Variants in SMAP1 observed in about 807,000 individuals in gnomAD.
SMAP1 encodes the protein small ArfGAP 1.
In SMAP1, 24 loss-of-function variants were observed where a neutral mutation model predicts 58.5. The observed-to-expected ratio is 0.41, with a 90% CI of 0.30 to 0.58. SMAP1 has a LOEUF of 0.58. SMAP1 is among the 20% of genes least tolerant of loss of function. The pLI is 0.29. For synonymous variants in SMAP1, 216 were observed against 196.6 expected, an observed-to-expected ratio of 1.10 and a Z score of -0.82; for missense variants, 563 against 566.3, an observed-to-expected ratio of 0.99 and a Z score of 0.06.
rs1301172795 is a variant in SMAP1, at chr6:70,667,937, GCGGCGCCAGGTGCGTTCACTCTGCC to G, written c.-82_-58del. On this transcript the variant is annotated 5_prime_UTR_variant, in exon 1 of 11. Coordinates refer to ENST00000370455, the MANE Select transcript of SMAP1 (RefSeq NM_001044305.3). ...TGGGCTGAGTCCGCCCGCGGTCCCGGCGGCGCCAGGTGCGTTCACTCTGCCCGGCTCCAGCCAGCGTCCGCCGCCG... is the reference window on the plus strand; with the variant it reads ...TGGGCTGAGTCCGCCCGCGGTCCCGGCGGCTCCAGCCAGCGTCCGCCGCCG... 8.4e-7 allele frequency: 1 copy of G among 1,184,198 alleles called. No individual in the cohort carries two copies. Among genetic ancestry groups the G allele is most frequent in the Admixed American group, 2.6e-5 (1 of 38,274 alleles). The allele number at this position is 1,184,198 out of a possible 1,614,324, so 73.4% of individuals were successfully genotyped here.
rs1246372564 is a variant in SMAP1 at position 70,668,230 on chromosome 6, G to A, written c.118+89G>A. 5 of 1,227,792 alleles carry A rather than the reference G, an allele frequency of 4.1e-6. No individual in the cohort carries two copies. The African/African-American group carries it at 6.3e-5, about 16-fold the overall frequency. The allele number at this position is 1,227,792 out of a possible 1,614,324, so 76.1% of individuals were successfully genotyped here. The stretch of plus-strand genomic sequence containing the variant: ...TGCGGCGCTCGGGGCCCGAGCGGAC[G>A]CCTCGGCTTCGCTGGCCGGCTCCTG... On this transcript the variant is annotated intron_variant, in intron 1 of 10. Transcript: ENST00000370455.
intron 1 of SMAP1, among the ~76,000 whole-genome samples, chr6:70,691,394 C>T (rs1023403954): frequency 1.3e-5 from 2 of 152,058 alleles, no homozygotes; most frequent in Non-Finnish European, 2.9e-5. Context: ...GCATAATAGT[C>T]ACATCAGGGT....
intron 5 of SMAP1, among the ~76,000 whole-genome samples, chr6:70,792,340 T>G (rs1241372258): frequency 1.0e-4 from 15 of 150,348 alleles, no homozygotes; most frequent in African/African-American, 3.4e-4. Context: ...TTTTTTTTTT[T>G]TTGTTACATT....
chr6:70,786,953 A>G (rs1209277764), intron 4 of SMAP1, among the ~76,000 whole-genome samples: 1 of 152,170 alleles, frequency 6.6e-6, no homozygotes, highest in African/African-American at 2.4e-5. Context: ...AAACTACTTT[A>G]AAGTTCATAT....
intron 1 of SMAP1, among the ~76,000 whole-genome samples, chr6:70,729,632 G>A (rs907732848): frequency 6.6e-6 from 1 of 152,080 alleles, no homozygotes; most frequent in Non-Finnish European, 1.5e-5. Flanking sequence ...GGACCCTCAT[G>A]CTTTATATCC....
intron 7 of SMAP1, among the ~76,000 whole-genome samples, chr6:70,840,745 C>A (rs1444807826): frequency 6.6e-6 from 1 of 152,178 alleles, no homozygotes; most frequent in African/African-American, 2.4e-5. Flanking sequence ...CTCTCTAATA[C>A]CATAAACAGG....
chr6:70,727,311 G>T (rs1206363563), intron 1 of SMAP1, among the ~76,000 whole-genome samples: 1 of 152,154 alleles, frequency 6.6e-6, no homozygotes, highest in African/African-American at 2.4e-5. Flanking sequence ...GTTTGGCCAT[G>T]TTGGCCAGGC....
At chr6:70,808,458 C>G (rs1009319655) in intron 6 of SMAP1, among the ~76,000 whole-genome samples, 6 of 152,204 alleles carry the variant, frequency 3.9e-5, no homozygotes, top group Non-Finnish European at 8.8e-5. Context: ...TATTGAGACA[C>G]TTCCTTCCCC....
chr6:70,816,082 TATC>T (rs1028169110), intron 6 of SMAP1, among the ~76,000 whole-genome samples: 1 of 152,296 alleles, frequency 6.6e-6, no homozygotes, highest in African/African-American at 2.4e-5. Context: ...AATTGAGAGA[TATC>T]ATGTTGAGAT....
chr6:70,850,294 TTTCTC>T (rs1482967119), intron 7 of SMAP1, among the ~76,000 whole-genome samples: 2 of 152,154 alleles, frequency 1.3e-5, no homozygotes, highest in African/African-American at 4.8e-5. Flanking sequence ...TTGATAGTAT[TTTCTC>T]AGTTTGCCAA....
intron 5 of SMAP1, among the ~76,000 whole-genome samples, chr6:70,796,547 G>GAC (rs1282305939): frequency 6.6e-6 from 1 of 152,208 alleles, no homozygotes; most frequent in Non-Finnish European, 1.5e-5. Flanking sequence ...TTTTGGAAAT[G>GAC]AAGGTTTTGA....
rs189981174 is a variant in SMAP1, at chr6:70,683,559, A to C, written c.118+15418A>C. 2.6e-3 allele frequency among the ~76,000 whole-genome samples: 397 copies of C among 152,120 alleles called. 4 individuals are homozygous for C. Among genetic ancestry groups the C allele is most frequent in the South Asian group, 4.4e-3 (21 of 4,812 alleles). ...GGGTGGGATTGGCAACCCTTTTCAC[A>C]TTTCTCTCTTGACCAGTCATTGGGC... is the stretch of plus-strand genomic sequence containing the variant. On this transcript the variant is annotated intron_variant, in intron 1 of 10. Transcript: ENST00000370455.
chr6:70,828,291 C>T (rs982200843), intron 6 of SMAP1, among the ~76,000 whole-genome samples: 3 of 151,942 alleles, frequency 2.0e-5, no homozygotes, highest in African/African-American at 7.3e-5. Context: ...ATGAAGATTT[C>T]AGTAGGTAAT....
At chr6:70,763,393 TTTAA>T (rs2149899159) in intron 3 of SMAP1, among the ~76,000 whole-genome samples, 1 of 152,294 alleles carries the variant, frequency 6.6e-6, no homozygotes, top group Non-Finnish European at 1.5e-5. Flanking sequence ...AATGCATGTT[TTTAA>T]TTAATTTATA....
intron 6 of SMAP1, among the ~76,000 whole-genome samples, chr6:70,800,970 A>G (rs990030940): frequency 4.6e-5 from 7 of 152,220 alleles, no homozygotes; most frequent in East Asian, 1.9e-4. Flanking sequence ...TAGTGCCACA[A>G]TAAACATAAG....
At chr6:70,826,966 A>G (rs1191490352) in intron 6 of SMAP1, among the ~76,000 whole-genome samples, 9 of 148,324 alleles carry the variant, frequency 6.1e-5, no homozygotes, top group African/African-American at 2.2e-4. Flanking sequence ...AAAAAGAAAA[A>G]GAAAAGAAAA....
intron 8 of SMAP1, among the ~76,000 whole-genome samples, chr6:70,852,995 A>G (rs1751974998): frequency 6.6e-6 from 1 of 152,208 alleles, no homozygotes; most frequent in African/African-American, 2.4e-5. Context: ...TAGGGAAACA[A>G]CAGTATTTAG....
chr6:70,668,107 G>A lies in SMAP1; in HGVS notation c.84G>A (p.Glu28=). ...TCCTATCCAAGCTTCTGAGGGAGGAGGACAACAAGTACTGCGCCGACTGCG... is the reference window on the plus strand; with the variant it reads ...TCCTATCCAAGCTTCTGAGGGAGGAAGACAACAAGTACTGCGCCGACTGCG... The part of the protein sequence containing the change: ...QLILSKLLRE[E]DNKYCADCEA... Residue 28 remains glutamate, a synonymous_variant, in exon 1 of 11, where the codon GAG becomes GAA. Transcript: ENST00000370455. 1 of 1,603,062 alleles carries A rather than the reference G, an allele frequency of 6.2e-7. No individual in the cohort carries two copies. Among genetic ancestry groups the A allele is most frequent in the Non-Finnish European group, 8.5e-7 (1 of 1,175,556 alleles).
chr6:70,781,672 G>A (rs1183615654), intron 4 of SMAP1, among the ~76,000 whole-genome samples: 1 of 152,118 alleles, frequency 6.6e-6, no homozygotes, highest in African/African-American at 2.4e-5. Flanking sequence ...AATTTTCATA[G>A]CATTATTCTG....
Sources: gnomAD v4.1 joint callset for allele counts (sites outside exome capture counted in the v4.1 genomes callset) on GRCh38, gnomAD v4.1.1 for gene constraint, MANE v1.5 for transcripts, NCBI Gene and HGNC (gene_info 2026-07-23, HGNC 2026-07-21) for gene names.